Variants in LINGO1 observed in about 807,000 individuals in gnomAD.
The protein encoded by LINGO1 is leucine rich repeat and Ig domain containing 1.
LINGO1 carries 11 observed loss-of-function variants against 37.3 expected under a neutral mutation model. The ratio of observed to expected loss-of-function variants is 0.29; its 90% CI spans 0.19 to 0.49. The LOEUF is 0.49. Among genes scored for constraint, LINGO1 ranks in the 20% least tolerant of loss-of-function variants. The pLI, the probability that LINGO1 is intolerant of heterozygous loss-of-function variation, is 0.99. For synonymous variants in LINGO1, 387 were observed against 403.0 expected, an observed-to-expected ratio of 0.96 and a Z score of 0.48; for missense variants, 585 against 878.2, an observed-to-expected ratio of 0.67 and a Z score of 4.22.
intron 2 of LINGO1, among the ~76,000 whole-genome samples, chr15:77,713,068 G>A (rs1416089742): frequency 6.6e-6 from 1 of 151,868 alleles, no homozygotes; most frequent in Non-Finnish European, 1.5e-5. Flanking sequence ...TTTGAGACAG[G>A]ATCTTACTCT....
intron 1 of LINGO1, among the ~76,000 whole-genome samples, chr15:77,748,986 C>A (rs2076344314): frequency 7.0e-6 from 1 of 143,564 alleles, no homozygotes; most frequent in African/African-American, 2.6e-5. Flanking sequence ...TGGCTCACTG[C>A]AACCTCTGCC....
chr15:77,672,010 C>CCTA (rs1350419507), intron 3 of LINGO1, among the ~76,000 whole-genome samples: 4 of 150,602 alleles, frequency 2.7e-5, no homozygotes, highest in African/African-American at 9.8e-5. Flanking sequence ...GCCTCCTCCT[C>CCTA]CTCCTCCTCC....
Position 77,803,598 on chromosome 15 carries a change from G to A in LINGO1, c.-457-7545C>T, listed in dbSNP as rs78491877. Among the ~76,000 whole-genome samples, 131 of 152,264 alleles carry A rather than the reference G, an allele frequency of 8.6e-4. No individual in the cohort carries two copies. In the East Asian group the frequency reaches 0.013, roughly 15 times the overall value. On this transcript the variant is annotated intron_variant, in intron 1 of 5. Transcript: ENST00000562933. ...TGTTGGAGGTGGGGCCTAGTGGGAG[G>A]TGGCTGGGTCATGGGGGTGGATCCC...
chr15:77,638,402 CA>C (rs1403346741), upstream of LINGO1, among the ~76,000 whole-genome samples: 1 of 152,044 alleles, frequency 6.6e-6, no homozygotes, highest in East Asian at 1.9e-4. Flanking sequence ...AGATTAGGAG[CA>C]AAAACAAAAA....
intron 1 of LINGO1, among the ~76,000 whole-genome samples, chr15:77,785,632 C>T (rs2076763852): frequency 2.0e-5 from 3 of 152,078 alleles, no homozygotes; most frequent in Non-Finnish European, 4.4e-5. Flanking sequence ...CCCCCAGCAG[C>T]TCTCAGACAG....
At chr15:77,763,847 T>C (rs138842736) in intron 1 of LINGO1, among the ~76,000 whole-genome samples, 1,804 of 152,028 alleles carry the variant, frequency 0.012, 42 homozygotes, top group African/African-American at 0.042. Flanking sequence ...AAACACCCCA[T>C]TGCCAGCAAA....
chr15:77,703,531 C>T (rs1285013375), intron 2 of LINGO1, among the ~76,000 whole-genome samples: 10 of 152,164 alleles, frequency 6.6e-5, no homozygotes, highest in Admixed American at 4.6e-4. Context: ...GTGTCCAGGC[C>T]TACAGCAGGA....
intron 1 of LINGO1, among the ~76,000 whole-genome samples, chr15:77,817,977 G>C (rs1009590252): frequency 6.6e-6 from 1 of 152,216 alleles, no homozygotes; most frequent in South Asian, 2.1e-4. Context: ...GACCCAGGTA[G>C]ATACTGACTG....
intron 1 of LINGO1, among the ~76,000 whole-genome samples, chr15:77,817,907 G>A (rs1227085313): frequency 1.3e-5 from 2 of 152,210 alleles, no homozygotes; most frequent in African/African-American, 4.8e-5. Flanking sequence ...GGATAATGGA[G>A]GTGGAAGTAA....
intron 2 of LINGO1, among the ~76,000 whole-genome samples, chr15:77,734,380 A>C (rs984040128): frequency 6.6e-6 from 1 of 152,022 alleles, no homozygotes; most frequent in African/African-American, 2.4e-5. Flanking sequence ...CCCTCCCTGT[A>C]ATCATTCCCA....
chr15:77,620,696 G>A (rs879886671), intron 1 of LINGO1, among the ~76,000 whole-genome samples: 1 of 152,234 alleles, frequency 6.6e-6, no homozygotes, highest in Non-Finnish European at 1.5e-5. Flanking sequence ...AGGGGAATGG[G>A]AGGCTCAGAC....
In LINGO1 at chr15:77,810,462, A is replaced by T. The variant is rs116093177; in HGVS notation, c.-458+9796T>A. Among the ~76,000 whole-genome samples, 430 of 152,322 alleles carry T rather than the reference A, an allele frequency of 2.8e-3. 3 individuals are homozygous for T. Among genetic ancestry groups the T allele is most frequent in the African/African-American group, 9.9e-3 (411 of 41,568 alleles). On this transcript the variant is annotated intron_variant, in intron 1 of 5. Coordinates refer to the LINGO1 transcript ENST00000562933. ...CCAGGATGACTGGCAGCCCTTCCGC[A>T]GCTGATCCAGCCTCCCGGCTCTGTA...
intron 1 of LINGO1, among the ~76,000 whole-genome samples, chr15:77,810,259 T>G (rs1464542282): frequency 9.5e-6 from 1 of 105,070 alleles, no homozygotes; most frequent in African/African-American, 2.9e-5. Context: ...CGCATACACA[T>G]GCACACACTC....
At chr15:77,653,488 A>G (rs1454848340) in intron 3 of LINGO1, among the ~76,000 whole-genome samples, 7 of 152,240 alleles carry the variant, frequency 4.6e-5, no homozygotes, top group African/African-American at 1.4e-4. Context: ...GTGGAATTGA[A>G]TTAACTGTTC....
upstream of LINGO1, among the ~76,000 whole-genome samples, chr15:77,787,502 G>T (rs1335535090): frequency 6.6e-6 from 1 of 151,974 alleles, no homozygotes; most frequent in East Asian, 2.0e-4. Context: ...AAGGACACAG[G>T]GGTCCCGGTG....
chr15:77,816,900 A>T (rs528639057), intron 1 of LINGO1, among the ~76,000 whole-genome samples: 22 of 152,230 alleles, frequency 1.4e-4, no homozygotes, highest in Admixed American at 3.9e-4. Flanking sequence ...CTGGATGTCA[A>T]CCAGAGCTTT....
chr15:77,758,762 G>C (rs2076445720), intron 1 of LINGO1, among the ~76,000 whole-genome samples: 2 of 152,082 alleles, frequency 1.3e-5, no homozygotes, highest in Admixed American at 1.3e-4. Flanking sequence ...GGGGGGATCA[G>C]ATGGGGCCAC....
intron 1 of LINGO1, among the ~76,000 whole-genome samples, chr15:77,767,314 T>TG (rs1207762539): frequency 3.9e-5 from 6 of 152,116 alleles, no homozygotes; most frequent in Non-Finnish European, 7.4e-5. Context: ...TTTAAAATTC[T>TG]GGGGGAAAAA....
At chr15:77,621,726 C>A (rs143228919) in intron 1 of LINGO1, among the ~76,000 whole-genome samples, 28 of 152,332 alleles carry the variant, frequency 1.8e-4, no homozygotes, top group African/African-American at 6.5e-4. Flanking sequence ...ACACGAGCCA[C>A]GTGTACTCAG....
Sources: gnomAD v4.1 joint callset for allele counts (sites outside exome capture counted in the v4.1 genomes callset) on GRCh38, gnomAD v4.1.1 for gene constraint, MANE v1.5 for transcripts, NCBI Gene and HGNC (gene_info 2026-07-23, HGNC 2026-07-21) for gene names.